The following NDUFS5 variants were observed in gnomAD, a reference collection of about 807,000 sequenced individuals.
NDUFS5 encodes NADH dehydrogenase [ubiquinone] iron-sulfur protein 5.
In NDUFS5, 7 loss-of-function variants were observed where a neutral mutation model predicts 10.5. The observed-to-expected ratio is 0.66, with a 90% CI of 0.38 to 1.25. NDUFS5 has a LOEUF of 1.25. Ranked by LOEUF, NDUFS5 falls within the 50% of genes most tolerant of loss-of-function variation. The pLI is 0.02. For synonymous variants in NDUFS5, 38 were observed against 44.0 expected (o/e 0.86, Z 0.54); for missense variants, 148 against 140.7 (o/e 1.05, Z -0.26).
chr1:39,031,968 C>A (rs1644193215), intron 2 of NDUFS5, among the ~76,000 whole-genome samples: 1 of 152,034 alleles, frequency 6.6e-6, no homozygotes, highest in Non-Finnish European at 1.5e-5. Context: ...ACCAGCCTGA[C>A]CAACATGGTG....
chr1:39,031,464 A>G (rs1570992451), intron 2 of NDUFS5, among the ~76,000 whole-genome samples: 1 of 152,224 alleles, frequency 6.6e-6, no homozygotes, highest in South Asian at 2.1e-4. Context: ...GCATGCCACC[A>G]TGTGCGGCTT....
At chr1:39,028,085 T>G (rs1190575906) in intron 1 of NDUFS5, among the ~76,000 whole-genome samples, 31 of 141,774 alleles carry the variant, frequency 2.2e-4, no homozygotes, top group African/African-American at 7.2e-4. Flanking sequence ...CTCCCAAAGT[T>G]CTGGGATTAC....
chr1:39,033,794 C>T (rs1644209453), intron 2 of NDUFS5, among the ~76,000 whole-genome samples: 1 of 145,924 alleles, frequency 6.9e-6, no homozygotes, highest in South Asian at 2.2e-4. Context: ...GCCACCACGG[C>T]CCAACTTTTA....
chr1:39,031,101 C>T (rs1644187792), intron 2 of NDUFS5, among the ~76,000 whole-genome samples: 1 of 152,076 alleles, frequency 6.6e-6, no homozygotes, highest in Non-Finnish European at 1.5e-5. Context: ...AACTCCTGAG[C>T]TCAGGTGATC....
intron 1 of NDUFS5, 150 bp from the exon 2 acceptor site, chr1:39,028,573 A>T: frequency 1.3e-6 from 1 of 749,616 alleles, no homozygotes; most frequent in Non-Finnish European, 2.2e-6. Context: ...TTAATGAAAA[A>T]GTTTGGTGAG....
Position 39,029,714 on chromosome 1 carries a change from G to A in NDUFS5, c.216+774G>A, listed in dbSNP as rs147048591. 3.9e-5 allele frequency among the ~76,000 whole-genome samples: 6 copies of A among 152,324 alleles called. No individual in the cohort carries two copies. The East Asian group carries it at 9.6e-4, about 24-fold the overall frequency. ...TCATTCCACTCTGAAGAAGATGGAG[G>A]TGTTAATGAGATTGCTGTACATGAG... On this transcript the variant is annotated intron_variant, in intron 2 of 2. Transcript: ENST00000372969.
intron 2 of NDUFS5, among the ~76,000 whole-genome samples, chr1:39,033,980 T>C (rs898069475): frequency 3.3e-5 from 5 of 151,802 alleles, no homozygotes; most frequent in African/African-American, 9.7e-5. Flanking sequence ...TTTGTATTTT[T>C]AGTAGAAACA....
chr1:39,033,083 A>G (rs1244186429), intron 2 of NDUFS5, among the ~76,000 whole-genome samples: 1 of 152,194 alleles, frequency 6.6e-6, no homozygotes, highest in Admixed American at 6.5e-5. Flanking sequence ...ACACTTGTGT[A>G]ACATAGTTTT....
At chr1:39,029,216 C>T (rs531910715) in intron 2 of NDUFS5, among the ~76,000 whole-genome samples, 1 of 152,188 alleles carries the variant, frequency 6.6e-6, no homozygotes, top group African/African-American at 2.4e-5. Context: ...TGGTCTTGAA[C>T]TCCAGACCTC....
intron 2 of NDUFS5, among the ~76,000 whole-genome samples, chr1:39,030,550 CA>C (rs1208428546): frequency 5.9e-5 from 9 of 151,566 alleles, no homozygotes; most frequent in Non-Finnish European, 1.3e-4. Context: ...ACTAAAAATA[CA>C]AAAAAATTAG....
Position 39,028,891 on chromosome 1 carries a change from G to A in NDUFS5, c.167G>A (p.Cys56Tyr), listed in dbSNP as rs745413364. 1 of 1,614,048 alleles carries A rather than the reference G, an allele frequency of 6.2e-7. No homozygotes were observed. The highest frequency in any genetic ancestry group is 1.1e-5 in the South Asian group (1 of 91,084). ...GIGYTRAEKE[C>Y]KIEYDDFVEC... Reference sequence around the variant, plus strand: ...GGTTATACTCGGGCAGAGAAAGAGTGCAAGATAGAATATGATGATTTCGTA... The same window carrying A: ...GGTTATACTCGGGCAGAGAAAGAGTACAAGATAGAATATGATGATTTCGTA... The change falls in exon 2 of 3, where the codon TGC (cysteine) becomes TAC (tyrosine). Residue 56 changes from cysteine to tyrosine, a missense_variant. By Grantham distance (194) the Cys-to-Tyr change is radical (BLOSUM62 -2). Coordinates refer to ENST00000372969, the MANE Select transcript of NDUFS5 (RefSeq NM_004552.3).
At chr1:39,028,994 CTTTTT>C in intron 2 of NDUFS5, 54 bp downstream of exon 2, 4 of 1,183,228 alleles carry the variant, frequency 3.4e-6, no homozygotes, top group South Asian at 1.5e-5. Flanking sequence ...CTTTGGGACT[CTTTTT>C]TTTTTTTTTT....
intron 1 of NDUFS5, 76 bp from the exon 2 acceptor site, chr1:39,028,647 T>C: frequency 7.4e-7 from 1 of 1,345,020 alleles, no homozygotes; most frequent in Non-Finnish European, 1.1e-6. Flanking sequence ...TTATCTAATT[T>C]TTTCTTAGAA....
chr1:39,027,155 C>T (rs1229743298), intron 1 of NDUFS5, among the ~76,000 whole-genome samples: 3 of 152,114 alleles, frequency 2.0e-5, no homozygotes, highest in African/African-American at 7.2e-5. Context: ...ACTGCAGCCT[C>T]TGCCTCCCGG....
intron 1 of NDUFS5, among the ~76,000 whole-genome samples, chr1:39,028,010 G>A (rs1644164000): frequency 6.8e-6 from 1 of 147,778 alleles, no homozygotes; most frequent in Admixed American, 6.7e-5. Flanking sequence ...AGTAGAGACG[G>A]GATTTCACCA....
intron 2 of NDUFS5, among the ~76,000 whole-genome samples, chr1:39,029,194 T>C (rs569093947): frequency 5.3e-5 from 8 of 152,116 alleles, no homozygotes; most frequent in Admixed American, 5.3e-4. Context: ...GATTTCACCA[T>C]GCTGGCCAGG....
intron 2 of NDUFS5, among the ~76,000 whole-genome samples, chr1:39,031,507 T>C (rs1644190666): frequency 6.6e-6 from 1 of 152,132 alleles, no homozygotes. Context: ...GGTTTTGCTA[T>C]GTTTCCTTTG....
intron 2 of NDUFS5, among the ~76,000 whole-genome samples, chr1:39,033,095 A>T (rs1303372594): frequency 6.6e-6 from 1 of 152,132 alleles, no homozygotes; most frequent in Non-Finnish European, 1.5e-5. Context: ...CATAGTTTTG[A>T]TTTGTTGAGA....
chr1:39,026,431 C>T (rs1235325430), intron 1 of NDUFS5, 29 bp downstream of exon 1: 1 of 152,254 alleles, frequency 6.6e-6, no homozygotes, highest in African/African-American at 2.4e-5. Context: ...CGCGCGGCAG[C>T]TTAGCTTAAG....
Sources: gnomAD v4.1 joint callset for allele counts (sites outside exome capture counted in the v4.1 genomes callset) on GRCh38, gnomAD v4.1.1 for gene constraint, MANE v1.5 for transcripts, NCBI Gene and HGNC (gene_info 2026-07-23, HGNC 2026-07-21) for gene names.